CSPP1: variants seen among roughly 807,000 people sequenced by gnomAD.
CSPP1 encodes the protein centrosome and spindle pole-associated protein 1.
Under a neutral mutation model 164.4 loss-of-function variants are expected in CSPP1, and 126 were observed. The ratio of observed to expected loss-of-function variants is 0.77; its 90% CI spans 0.66 to 0.89. The LOEUF (loss-of-function observed/expected upper bound fraction) is 0.89. Ranked by LOEUF, CSPP1 falls within the 40% of genes least tolerant of loss-of-function variation. CSPP1 has a pLI of 0.00. For missense variants in CSPP1, 1,395 were observed against 1,449.8 expected, an observed-to-expected ratio of 0.96 and a Z score of 0.61; for synonymous variants, 472 against 476.7, an observed-to-expected ratio of 0.99 and a Z score of 0.13.
chr8:67,119,631 C>G (rs1818599875), intron 15 of CSPP1, among the ~76,000 whole-genome samples: 1 of 151,820 alleles, frequency 6.6e-6, no homozygotes. Context: ...TTTGCATTTC[C>G]CTAATTATTA....
chr8:67,151,227 G>A (rs914685560), intron 18 of CSPP1, among the ~76,000 whole-genome samples: 1 of 152,056 alleles, frequency 6.6e-6, no homozygotes, highest in Non-Finnish European at 1.5e-5. Flanking sequence ...ATATTTTATC[G>A]GATCCAGTTT....
intron 8 of CSPP1, among the ~76,000 whole-genome samples, chr8:67,105,015 G>T (rs1409040575): frequency 4.1e-4 from 24 of 58,454 alleles, no homozygotes; most frequent in East Asian, 1.8e-3. Flanking sequence ...GTTTTTTTAT[G>T]AAAAAGGATT....
intron 8 of CSPP1, among the ~76,000 whole-genome samples, chr8:67,104,295 C>CG (rs1052974290): frequency 2.0e-5 from 3 of 147,650 alleles, no homozygotes; most frequent in Non-Finnish European, 4.5e-5. Context: ...GACAGAGTCT[C>CG]GCTTTGTTGT....
chr8:67,152,555 T>C (rs1825917789), intron 18 of CSPP1, among the ~76,000 whole-genome samples: 1 of 152,260 alleles, frequency 6.6e-6, no homozygotes, highest in Non-Finnish European at 1.5e-5. Flanking sequence ...TTTATTCATT[T>C]CTAAAAGGAC....
At chr8:67,096,466 G>A (rs1812795491) in intron 7 of CSPP1, among the ~76,000 whole-genome samples, 1 of 152,088 alleles carries the variant, frequency 6.6e-6, no homozygotes, top group African/African-American at 2.4e-5. Flanking sequence ...TCAGAAGGCT[G>A]GGGCAGGAGA....
chr8:67,167,918 C>A (rs1438890280), intron 24 of CSPP1, among the ~76,000 whole-genome samples: 1 of 152,230 alleles, frequency 6.6e-6, no homozygotes, highest in Non-Finnish European at 1.5e-5. Flanking sequence ...AGGCTGCAAT[C>A]TTGGCACTTT....
intron 9 of CSPP1, among the ~76,000 whole-genome samples, chr8:67,108,414 A>T (rs1470308843): frequency 6.6e-6 from 1 of 151,970 alleles, no homozygotes; most frequent in Non-Finnish European, 1.5e-5. Context: ...AAAAAAAAAA[A>T]AAGAGTTAAG....
chr8:67,164,563 C>T (rs1055974615), intron 24 of CSPP1, 55 bp downstream of exon 24: 2 of 785,388 alleles, frequency 2.5e-6, no homozygotes, highest in African/African-American at 3.4e-5. Context: ...TCTTACTTCA[C>T]CTATCCAGTA....
chr8:67,106,363 C>T (rs553196824), intron 9 of CSPP1, among the ~76,000 whole-genome samples: 148 of 151,936 alleles, frequency 9.7e-4, no homozygotes, highest in African/African-American at 3.5e-3. Context: ...ATTTTATTAG[C>T]ACTCTGTTGC....
intron 30 of CSPP1, among the ~76,000 whole-genome samples, chr8:67,194,678 CAGG>C (rs1184128385): frequency 3.4e-5 from 5 of 147,328 alleles, no homozygotes; most frequent in South Asian, 2.2e-4. Flanking sequence ...CTTCACAGAC[CAGG>C]AGAATTAAAA....
chr8:67,134,175 C>T (rs1158857312), intron 16 of CSPP1: 4 of 152,216 alleles, frequency 2.6e-5, no homozygotes, highest in African/African-American at 9.7e-5. Context: ...GGTAAACTCT[C>T]TCCAGAGGGC....
intron 25 of CSPP1, chr8:67,173,677 G>A (rs1830926556): frequency 1.3e-5 from 2 of 151,846 alleles, no homozygotes; most frequent in South Asian, 2.1e-4. Context: ...AAGATAAATT[G>A]TGTTATTTAT....
intron 10 of CSPP1, 75 bp from the exon 11 acceptor site, chr8:67,113,730 C>T: frequency 1.3e-6 from 1 of 748,776 alleles, no homozygotes; most frequent in Non-Finnish European, 2.2e-6. Context: ...TGTGTATAAG[C>T]TTCTTTCAGT....
chr8:67,165,649 GA>G (rs1459476373), intron 24 of CSPP1, among the ~76,000 whole-genome samples: 1 of 152,210 alleles, frequency 6.6e-6, no homozygotes, highest in Non-Finnish European at 1.5e-5. Flanking sequence ...GATGTTTTCT[GA>G]TGATTAGACT....
intron 28 of CSPP1, among the ~76,000 whole-genome samples, chr8:67,184,549 T>C (rs989987531): frequency 1.3e-5 from 2 of 149,088 alleles, no homozygotes; most frequent in African/African-American, 5.0e-5. Context: ...ACCAGCCTGG[T>C]CAACATCTCT....
At position 67,118,873 on chromosome 8, in the gene CSPP1, A is replaced by G. The variant is rs772821792; in HGVS notation, c.1697+52A>G. The G allele has an allele frequency of 1.0e-5, 13 of 1,244,116 alleles. No homozygotes were observed. The South Asian group carries it at 1.6e-4, about 15-fold the overall frequency. The allele number at this position is 1,244,116 out of a possible 1,614,324, so 77.1% of individuals were successfully genotyped here. A position where few individuals can be genotyped will look rare whatever the true frequency, so the allele number is the denominator to read the frequency against. On this transcript the variant is annotated intron_variant, in intron 15 of 30. Coordinates refer to ENST00000678616, the MANE Select transcript of CSPP1 (RefSeq NM_001382391.1). ...TTTTCCCCACTTTTATTTTGTTAAG[A>G]TACACATAACCTAAAAGCCACCATC...
rs1836986581 is a variant in CSPP1 at position 67,193,444 on chromosome 8, GTTCTGTT to G, written c.3331-15_3331-9del. The G allele has an allele frequency of 1.2e-6, 2 of 1,605,444 alleles. No individual in the cohort carries two copies. The highest frequency in any genetic ancestry group is 1.7e-6 in the Non-Finnish European group (2 of 1,173,834). On this transcript the variant is annotated splice_polypyrimidine_tract_variant and intron_variant, in intron 29 of 30. Coordinates refer to ENST00000678616, the MANE Select transcript of CSPP1 (RefSeq NM_001382391.1). ...TATTTTGTGTTAATGACTTTCTGAAGTTCTGTTTTCTAACTACAGGATAGCAGTCGTC... is the reference window on the plus strand; with the variant it reads ...TATTTTGTGTTAATGACTTTCTGAAGTTCTAACTACAGGATAGCAGTCGTC...
At chr8:67,139,176 G>C (rs948757179) in intron 17 of CSPP1, among the ~76,000 whole-genome samples, 3 of 152,182 alleles carry the variant, frequency 2.0e-5, no homozygotes, top group African/African-American at 7.2e-5. Context: ...TCAAAAAGTA[G>C]GCAAAGGATA....
At chr8:67,165,112 G>A (rs907536808) in intron 24 of CSPP1, among the ~76,000 whole-genome samples, 6 of 152,076 alleles carry the variant, frequency 3.9e-5, no homozygotes, top group Non-Finnish European at 7.4e-5. Flanking sequence ...GTGAAACCCC[G>A]TCTCTACTAA....
Sources: allele counts gnomAD v4.1 joint callset (sites outside exome capture counted in the v4.1 genomes callset), GRCh38; gene constraint gnomAD v4.1.1; transcripts MANE v1.5; gene names NCBI Gene and HGNC (gene_info 2026-07-23, HGNC 2026-07-21).